IMPA2: variants seen among roughly 807,000 people sequenced by gnomAD.
IMPA2 encodes the protein inositol monophosphatase 2.
In IMPA2, 32 loss-of-function variants were observed where a neutral mutation model predicts 35.1. The ratio of observed to expected loss-of-function variants is 0.91; its 90% CI spans 0.69 to 1.23. The LOEUF (loss-of-function observed/expected upper bound fraction) is 1.23. Among genes scored for constraint, IMPA2 ranks in the 50% most tolerant of loss-of-function variants. The pLI is 0.00. For synonymous variants in IMPA2, 135 were observed against 160.6 expected, an observed-to-expected ratio of 0.84 and a Z score of 1.20; for missense variants, 334 against 387.6, an observed-to-expected ratio of 0.86 and a Z score of 1.16.
chr18:12,029,115 T>TG, intron 7 of IMPA2, 122 bp downstream of exon 7: 7 of 866,156 alleles, frequency 8.1e-6, no homozygotes, highest in Middle Eastern at 2.4e-4. Context: ...TCTGTTTTTT[T>TG]TTTTTTTTTT....
At chr18:12,002,343 G>A (rs1004349860) in intron 2 of IMPA2, among the ~76,000 whole-genome samples, 2 of 152,120 alleles carry the variant, frequency 1.3e-5, no homozygotes, top group Admixed American at 6.5e-5. Context: ...ATTAAAAATA[G>A]ACTTAATAAC....
At chr18:11,993,676 C>T (rs7242991) in intron 1 of IMPA2, among the ~76,000 whole-genome samples, 4,374 of 152,272 alleles carry the variant, frequency 0.029, 110 homozygotes, top group African/African-American at 0.066. Context: ...GGGCAGTGGG[C>T]GGACGGCCAC....
rs560348855 is a variant in IMPA2 at position 12,028,568 on chromosome 18, AGAG to A, written c.600-268_600-266del. The A allele has an allele frequency of 3.7e-3, 1,871 of 500,434 alleles. 19 individuals carry two copies. Among genetic ancestry groups the A allele is most frequent in the South Asian group, 4.6e-3 (162 of 35,026 alleles). 31.0% of individuals were successfully genotyped at this position (500,434 alleles called of 1,614,324 possible). A position where few individuals can be genotyped will look rare whatever the true frequency, so the allele number is the denominator to read the frequency against. On this transcript the variant is annotated intron_variant, in intron 6 of 7. Transcript: ENST00000269159. The stretch of plus-strand genomic sequence containing the variant: ...ACTGACACTTAATGTCACGTTCAGT[AGAG>A]GAGGATTCAATTCTCTGGTTGCTGC...
Position 12,030,565 on chromosome 18 carries a change from C to T in IMPA2, c.*107C>T, listed in dbSNP as rs1908021907. ...CCATGCCAGTGGCTCACGCTCTGCT[C>T]CTGGCTACCCCAGAGGGAGTTGTCA... is the stretch of plus-strand genomic sequence containing the variant. On this transcript the variant is annotated 3_prime_UTR_variant, in exon 8 of 8. Coordinates refer to ENST00000269159, the MANE Select transcript of IMPA2 (RefSeq NM_014214.3). The T allele has an allele frequency of 2.6e-6, 2 of 775,184 alleles. No homozygotes were observed. Among genetic ancestry groups the T allele is most frequent in the South Asian group, 1.6e-5 (1 of 61,762 alleles). 48.0% of individuals were successfully genotyped at this position (775,184 alleles called of 1,614,324 possible).
At chr18:11,990,106 CTTTGG>C (rs1906772188) in intron 1 of IMPA2, among the ~76,000 whole-genome samples, 1 of 152,166 alleles carries the variant, frequency 6.6e-6, no homozygotes, top group Non-Finnish European at 1.5e-5. Context: ...TGAGGGAAGG[CTTTGG>C]TCTCTAGGCT....
intron 7 of IMPA2, 58 bp downstream of exon 7, chr18:12,029,051 G>T: frequency 6.6e-7 from 1 of 1,523,726 alleles, no homozygotes; most frequent in Non-Finnish European, 8.9e-7. Flanking sequence ...GACACTGTGG[G>T]TGGGGCACTT....
chr18:11,994,084 G>C (rs1471698110), intron 1 of IMPA2: 1 of 152,214 alleles, frequency 6.6e-6, no homozygotes, highest in African/African-American at 2.4e-5. Flanking sequence ...TATTTTAAAA[G>C]ATTATGAAGG....
Position 12,012,132 on chromosome 18 carries a change from T to C in IMPA2, c.336-38T>C, listed in dbSNP as rs1424272765. 5.0e-6 allele frequency: 8 copies of C among 1,608,744 alleles called. No individual in the cohort carries two copies. The Admixed American group carries it at 5.0e-5, about 10-fold the overall frequency. On this transcript the variant is annotated intron_variant, in intron 3 of 7. Coordinates refer to ENST00000269159, the MANE Select transcript of IMPA2 (RefSeq NM_014214.3). ...CACAGGCTCCCGAGAGCTGCCGCTCTTGTTCCAGAGAGTAAACCTTTCTAT... is the reference window on the plus strand; with the variant it reads ...CACAGGCTCCCGAGAGCTGCCGCTCCTGTTCCAGAGAGTAAACCTTTCTAT...
chr18:11,989,787 C>G (rs1459745948), intron 1 of IMPA2, among the ~76,000 whole-genome samples: 3 of 152,062 alleles, frequency 2.0e-5, no homozygotes, highest in Non-Finnish European at 2.9e-5. Flanking sequence ...ACTCTGTGGC[C>G]CTGAGCTTGT....
chr18:12,028,152 G>T lies in IMPA2; in HGVS notation c.599+1G>T. On this transcript the variant is annotated splice_donor_variant, in intron 6 of 7. Coordinates refer to ENST00000269159, the MANE Select transcript of IMPA2 (RefSeq NM_014214.3). LOFTEE classifies it high-confidence loss of function. Reference sequence around the variant, plus strand: ...GGCTGCTGCATGCCAAGGCGCATGGGTAGGAGGTTCAGTTCGGGGAACACC... The same window carrying T: ...GGCTGCTGCATGCCAAGGCGCATGGTTAGGAGGTTCAGTTCGGGGAACACC... 6.2e-7 allele frequency: 1 copy of T among 1,600,276 alleles called. No homozygotes were observed. The highest frequency in any genetic ancestry group is 8.6e-7 in the Non-Finnish European group (1 of 1,167,492).
intron 1 of IMPA2, among the ~76,000 whole-genome samples, chr18:11,983,566 C>T (rs3786305): frequency 0.08 from 12,206 of 152,210 alleles, 790 homozygotes; most frequent in South Asian, 0.29. Context: ...AGTTCTAAGG[C>T]TCCTATGACT....
intron 5 of IMPA2, among the ~76,000 whole-genome samples, chr18:12,027,337 C>T (rs942333577): frequency 3.3e-5 from 5 of 152,202 alleles, no homozygotes; most frequent in African/African-American, 7.2e-5. Flanking sequence ...GTTACATAAA[C>T]GGCAGGCCAT....
In IMPA2 at chr18:11,993,058, CAG is replaced by C. The variant is rs1222469815; in HGVS notation, c.97-5994_97-5993del. On this transcript the variant is annotated intron_variant, in intron 1 of 7. Coordinates refer to ENST00000269159, the MANE Select transcript of IMPA2 (RefSeq NM_014214.3). The stretch of plus-strand genomic sequence containing the variant: ...AGCTGAAAAAGTCATTAGATTTTCT[CAG>C]ATACATGTTCTCACAACTGATACTG... 2.9e-5 allele frequency among the ~76,000 whole-genome samples: 4 copies of C among 139,744 alleles called. No homozygotes were observed. The East Asian group carries it at 8.8e-4, about 31-fold the overall frequency. The allele number at this position is 139,744 out of a possible 152,430, so 91.7% of individuals were successfully genotyped here. A position where few individuals can be genotyped will look rare whatever the true frequency, so the allele number is the denominator to read the frequency against.
intron 2 of IMPA2, among the ~76,000 whole-genome samples, chr18:12,000,854 A>C (rs1907097236): frequency 1.3e-5 from 2 of 150,572 alleles, no homozygotes; most frequent in South Asian, 4.2e-4. Context: ...TGACCTCATG[A>C]TCCGCCCGCC....
chr18:12,010,006 G>A lies in IMPA2; in HGVS notation c.335+19G>A, dbSNP rs370545920. ...TGCACAGGTGAGCTGAGCAGGGATC[G>A]CCTCCATTGCAGGGCTTAACATGTC... On this transcript the variant is annotated intron_variant, in intron 3 of 7. Transcript: ENST00000269159. The surrounding 1 kb of genome is among the most constrained non-coding windows in gnomAD (Gnocchi z 4.8). 27 of 1,572,508 alleles carry A rather than the reference G, an allele frequency of 1.7e-5. No homozygotes were observed. Among genetic ancestry groups the A allele is most frequent in the Admixed American group, 1.7e-4 (10 of 59,904 alleles).
chr18:12,012,249 C>A (rs1448245020), intron 4 of IMPA2, 34 bp downstream of exon 4: 1 of 1,585,602 alleles, frequency 6.3e-7, no homozygotes, highest in Non-Finnish European at 8.7e-7. Flanking sequence ...AGGGCCCCTC[C>A]CTGGGCTCCC....
rs1453055526 is a variant in IMPA2 at position 11,999,144 on chromosome 18, G to T, written c.187G>T (p.Asp63Tyr). ...GACAGAAACAGATCACCTTGTGGAA[G>T]ATTTAATTATTTCTGAGTTGCGAGA... ...LVTETDHLVE[D>Y]LIISELRERF... is the part of the protein sequence containing the mutation. Residue 63 changes from aspartate (D) to tyrosine (Y), a missense_variant, in exon 2 of 8, where the codon GAT (aspartate) becomes TAT (tyrosine). By Grantham distance (160) the Asp-to-Tyr change is radical. Transcript: ENST00000269159. 1.2e-6 allele frequency: 2 copies of T among 1,613,748 alleles called. No homozygotes were observed. The highest frequency in any genetic ancestry group is 1.7e-6 in the Non-Finnish European group (2 of 1,179,864).
chr18:11,982,106 G>T (rs1906518732), intron 1 of IMPA2, among the ~76,000 whole-genome samples: 2 of 152,334 alleles, frequency 1.3e-5, no homozygotes, highest in African/African-American at 4.8e-5. Flanking sequence ...AACGGATTCA[G>T]CTCGCGGTAG....
intron 5 of IMPA2, among the ~76,000 whole-genome samples, chr18:12,021,440 T>A (rs1225541639): frequency 1.6e-5 from 2 of 127,654 alleles, no homozygotes; most frequent in African/African-American, 5.9e-5. Context: ...ACAGAAGTTA[T>A]ATATCCAACA....
Sources: allele counts gnomAD v4.1 joint callset (sites outside exome capture counted in the v4.1 genomes callset), GRCh38; gene constraint gnomAD v4.1.1; non-coding constraint Gnocchi (gnomAD v3.1); transcripts MANE v1.5; gene names NCBI Gene and HGNC (gene_info 2026-07-23, HGNC 2026-07-21).